LOXL1: variants seen among roughly 807,000 people sequenced by gnomAD.
LOXL1 encodes the protein lysyl oxidase homolog 1.
A neutral mutation model predicts 62.2 loss-of-function variants in LOXL1; 31 were observed. The observed-to-expected ratio is 0.50, with a 90% CI of 0.37 to 0.67. LOXL1 has a LOEUF of 0.67. Among genes scored for constraint, LOXL1 ranks in the 30% least tolerant of loss-of-function variants. LOXL1 has a pLI of 0.00. For missense variants in LOXL1, 775 were observed against 843.4 expected (o/e 0.92, Z 1.00); for synonymous variants, 403 against 384.4 (o/e 1.05, Z -0.56).
chr15:73,926,745 G>C lies in LOXL1; in HGVS notation c.-39G>C. On this transcript the variant is annotated 5_prime_UTR_variant, in exon 1 of 7. Transcript: ENST00000261921. ...AGCACGCCCAGGGGGCCACTCCTGA[G>C]AGCCTCTCTGTCCACCAGGCCTCTG... 1 of 1,355,506 alleles carries C rather than the reference G, an allele frequency of 7.4e-7. No individual in the cohort carries two copies. Among genetic ancestry groups the C allele is most frequent in the Non-Finnish European group, 9.6e-7 (1 of 1,046,854 alleles). The allele number at this position is 1,355,506 out of a possible 1,614,324, so 84.0% of individuals were successfully genotyped here.
intron 2 of LOXL1, among the ~76,000 whole-genome samples, chr15:73,944,829 C>G (rs989644184): frequency 6.6e-6 from 1 of 152,186 alleles, no homozygotes; most frequent in Non-Finnish European, 1.5e-5. Context: ...TAGACAGATT[C>G]CAAGCCTCCC....
At chr15:73,935,883 A>G (rs2068667280) in intron 1 of LOXL1, among the ~76,000 whole-genome samples, 1 of 150,858 alleles carries the variant, frequency 6.6e-6, no homozygotes, top group Non-Finnish European at 1.5e-5. Context: ...TTCAGGACTG[A>G]CAGGGTGGGC....
At chr15:73,940,319 A>G (rs1044073232) in intron 1 of LOXL1, among the ~76,000 whole-genome samples, 5 of 151,960 alleles carry the variant, frequency 3.3e-5, no homozygotes, top group African/African-American at 9.7e-5. Context: ...AGCAGCCCCA[A>G]GCTGTTTGTC....
intron 1 of LOXL1, among the ~76,000 whole-genome samples, chr15:73,929,105 T>C (rs1043194803): frequency 6.6e-6 from 1 of 152,238 alleles, no homozygotes; most frequent in Non-Finnish European, 1.5e-5. Context: ...GTGTGGCCAG[T>C]GCTGGACGGC....
chr15:73,932,280 T>C (rs1318316101), intron 1 of LOXL1, among the ~76,000 whole-genome samples: 1 of 152,210 alleles, frequency 6.6e-6, no homozygotes, highest in Non-Finnish European at 1.5e-5. Flanking sequence ...CAGGTACTGT[T>C]ATTTGTCCCG....
rs893682047 is a variant in LOXL1, at chr15:73,949,487, T to C, written c.1631T>C (p.Leu544Ser). 4 of 1,613,834 alleles carry C rather than the reference T, an allele frequency of 2.5e-6. No homozygotes were observed. Among genetic ancestry groups the C allele is most frequent in the Admixed American group, 1.7e-5 (1 of 60,030 alleles). ...CACGTGAACCCAAAGTATATTGTTTTGGAGTCTGACTTCACCAACAACGTG... is the reference window on the plus strand; with the variant it reads ...CACGTGAACCCAAAGTATATTGTTTCGGAGTCTGACTTCACCAACAACGTG... ...KVHVNPKYIV[L>S]ESDFTNNVVR... Residue 544 changes from leucine to serine, a missense_variant, in exon 6 of 7, where the codon TTG becomes TCG. Coordinates refer to ENST00000261921, the MANE Select transcript of LOXL1 (RefSeq NM_005576.4).
In LOXL1 at chr15:73,927,568, C is replaced by T. The variant is rs1384644226; in HGVS notation, c.785C>T (p.Pro262Leu). 2.7e-6 allele frequency: 4 copies of T among 1,499,476 alleles called. No individual in the cohort carries two copies. The Admixed American group carries it at 8.5e-5, about 32-fold the overall frequency. The allele number at this position is 1,499,476 out of a possible 1,614,324, so 92.9% of individuals were successfully genotyped here. The change falls in exon 1 of 7, where the codon CCG becomes CTG. Residue 262 changes from proline to leucine, a missense_variant. Pro to Leu is a moderately conservative substitution (Grantham distance 98). Coordinates refer to ENST00000261921, the MANE Select transcript of LOXL1 (RefSeq NM_005576.4). The stretch of plus-strand genomic sequence containing the variant: ...GCCCCCGAGAGGCCCTACGTGCCGC[C>T]GCCGCCGCCGCCCCCCGACGGCCTG... ...YPAPERPYVP[P>L]PPPPPDGLDR...
chr15:73,933,483 GGCAGA>G (rs941060567), intron 1 of LOXL1, among the ~76,000 whole-genome samples: 6 of 152,240 alleles, frequency 3.9e-5, no homozygotes, highest in African/African-American at 1.4e-4. Flanking sequence ...TGGGGATGGT[GGCAGA>G]GCAGGGTTGG....
Position 73,927,358 on chromosome 15 carries a change from A to G in LOXL1, c.575A>G (p.Asp192Gly). ...TTCGTCAGCCAGTACGAGAACTACG[A>G]CCCCGCGTCGCGGACCTACGACCAG... ...APFVSQYENY[D>G]PASRTYDQGF... The change falls in exon 1 of 7, where the codon GAC becomes GGC. Residue 192 changes from aspartate to glycine, a missense_variant. Transcript: ENST00000261921. 6.3e-7 allele frequency: 1 copy of G among 1,587,416 alleles called. No homozygotes were observed. The highest frequency in any genetic ancestry group is 1.1e-5 in the South Asian group (1 of 88,380).
At chr15:73,938,481 T>G (rs1016196966) in intron 1 of LOXL1, among the ~76,000 whole-genome samples, 3 of 150,038 alleles carry the variant, frequency 2.0e-5, no homozygotes, top group South Asian at 2.1e-4. Context: ...GAGGCTAAGG[T>G]GGGCAGATCA....
intron 1 of LOXL1, among the ~76,000 whole-genome samples, chr15:73,935,223 C>T (rs2068662597): frequency 6.6e-6 from 1 of 152,138 alleles, no homozygotes; most frequent in Non-Finnish European, 1.5e-5. Context: ...GAGAGTCAGC[C>T]AGGGGAACCG....
chr15:73,926,941 G>C lies in LOXL1; in HGVS notation c.158G>C (p.Ser53Thr), dbSNP rs2068583354. The C allele has an allele frequency of 6.4e-7, 1 of 1,561,930 alleles. No homozygotes were observed. Among genetic ancestry groups the C allele is most frequent in the Non-Finnish European group, 8.7e-7 (1 of 1,155,018 alleles). ...TGGGAGAACAACGGGCAGGTGTACAGCTTGCTCAACTCGGGCTCAGAGTAC... is the reference window on the plus strand; with the variant it reads ...TGGGAGAACAACGGGCAGGTGTACACCTTGCTCAACTCGGGCTCAGAGTAC... ...IQWENNGQVY[S>T]LLNSGSEYVP... is the part of the protein sequence containing the mutation. The change falls in exon 1 of 7, where the codon AGC becomes ACC. Residue 53 changes from serine (S) to threonine (T), a missense_variant. Transcript: ENST00000261921.
intron 1 of LOXL1, among the ~76,000 whole-genome samples, chr15:73,932,873 T>C (rs2068644912): frequency 6.6e-6 from 1 of 152,174 alleles, no homozygotes; most frequent in Non-Finnish European, 1.5e-5. Flanking sequence ...TAGAAAGCTG[T>C]GTCGGATCAG....
intron 5 of LOXL1, among the ~76,000 whole-genome samples, chr15:73,949,204 G>A (rs1401200867): frequency 2.6e-5 from 4 of 152,158 alleles, no homozygotes; most frequent in African/African-American, 7.2e-5. Flanking sequence ...TGCCCCATGC[G>A]GGGCCCACCT....
intron 3 of LOXL1, among the ~76,000 whole-genome samples, chr15:73,946,797 T>C (rs1281413365): frequency 3.3e-5 from 5 of 152,224 alleles, no homozygotes; most frequent in Admixed American, 3.3e-4. Flanking sequence ...TGGAAATGTC[T>C]AGAATACAGG....
intron 1 of LOXL1, among the ~76,000 whole-genome samples, chr15:73,932,614 C>A (rs1267203237): frequency 6.6e-6 from 1 of 152,172 alleles, no homozygotes; most frequent in South Asian, 2.1e-4. Context: ...GATTCCAGAA[C>A]GTTTGTGTAA....
chr15:73,941,630 C>A (rs747742261), intron 1 of LOXL1, among the ~76,000 whole-genome samples: 8 of 152,158 alleles, frequency 5.3e-5, no homozygotes, highest in Non-Finnish European at 1.0e-4. Context: ...CTCATCTTAT[C>A]ACTTACCTGA....
chr15:73,948,012 C>A, intron 5 of LOXL1, 110 bp downstream of exon 5: 1 of 744,038 alleles, frequency 1.3e-6, no homozygotes, highest in Non-Finnish European at 2.2e-6. Flanking sequence ...TCCCCAGCTG[C>A]CGAGCAGAGG....
chr15:73,933,805 C>T (rs2068651969), intron 1 of LOXL1, among the ~76,000 whole-genome samples: 1 of 152,274 alleles, frequency 6.6e-6, no homozygotes, highest in South Asian at 2.1e-4. Flanking sequence ...CTGTGCCCAG[C>T]ATTCCTGCAG....
Sources: gnomAD v4.1 joint callset for allele counts (sites outside exome capture counted in the v4.1 genomes callset) on GRCh38, gnomAD v4.1.1 for gene constraint, MANE v1.5 for transcripts, NCBI Gene and HGNC (gene_info 2026-07-23, HGNC 2026-07-21) for gene names.